CDH18: variants seen among roughly 807,000 people sequenced by gnomAD.
CDH18 encodes cadherin-18.
CDH18 carries 31 observed loss-of-function variants against 67.9 expected under a neutral mutation model. The ratio of observed to expected loss-of-function variants is 0.46; its 90% CI spans 0.34 to 0.62. CDH18 has a LOEUF of 0.62. Among genes scored for constraint, CDH18 ranks in the 20% least tolerant of loss-of-function variants. CDH18 has a pLI of 0.01. For missense variants in CDH18, 890 were observed against 975.5 expected (o/e 0.91, Z 1.17); for synonymous variants, 362 against 347.2 (o/e 1.04, Z -0.48).
rs1212100967 is a variant in CDH18, at chr5:19,472,926, A to G, written c.*300T>C. Reference sequence around the variant, plus strand: ...TAAATCACAATATATTGAAACAAATATCATTGTTTGGCTTAATTCAGGTAT... The same window carrying G: ...TAAATCACAATATATTGAAACAAATGTCATTGTTTGGCTTAATTCAGGTAT... On this transcript the variant is annotated 3_prime_UTR_variant, in exon 13 of 13. Transcript: ENST00000382275. 8.4e-5 allele frequency: 21 copies of G among 249,356 alleles called. No homozygotes were observed. Among genetic ancestry groups the G allele is most frequent in the Admixed American group, 7.9e-4 (16 of 20,380 alleles). The allele number at this position is 249,356 out of a possible 1,614,324, so 15.4% of individuals were successfully genotyped here. A position where few individuals can be genotyped will look rare whatever the true frequency, so the allele number is the denominator to read the frequency against.
intron 1 of CDH18, among the ~76,000 whole-genome samples, chr5:20,568,292 T>C (rs947264630): frequency 6.6e-6 from 1 of 152,226 alleles, no homozygotes; most frequent in Non-Finnish European, 1.5e-5. Context: ...AAAGGAATTT[T>C]ATAATTGGGT....
At chr5:19,915,253 CT>C (rs1209269011) in intron 2 of CDH18, among the ~76,000 whole-genome samples, 1 of 152,096 alleles carries the variant, frequency 6.6e-6, no homozygotes, top group African/African-American at 2.4e-5. Context: ...AGTTGTCTTT[CT>C]TTTCTTCAAG....
intron 2 of CDH18, among the ~76,000 whole-genome samples, chr5:20,098,877 C>T (rs1464064546): frequency 1.3e-5 from 2 of 152,048 alleles, no homozygotes; most frequent in Non-Finnish European, 2.9e-5. Context: ...AAATTATTAG[C>T]CACGAATTAA....
chr5:19,809,310 G>C (rs1408277113), intron 3 of CDH18, among the ~76,000 whole-genome samples: 1 of 152,006 alleles, frequency 6.6e-6, no homozygotes, highest in Admixed American at 6.6e-5. Flanking sequence ...ACACGCTCTA[G>C]GCACCAATAA....
At chr5:19,658,495 G>T (rs1354465486) in intron 5 of CDH18, among the ~76,000 whole-genome samples, 1 of 152,000 alleles carries the variant, frequency 6.6e-6, no homozygotes, top group Non-Finnish European at 1.5e-5. Context: ...TTTACATAAA[G>T]TATTCAAAGT....
At chr5:20,537,917 T>C (rs979834639) in intron 1 of CDH18, among the ~76,000 whole-genome samples, 1 of 152,200 alleles carries the variant, frequency 6.6e-6, no homozygotes, top group Non-Finnish European at 1.5e-5. Flanking sequence ...GTGAGGATTA[T>C]GAAGTCATAT....
At chr5:19,611,946 A>ATGGGTG (rs1393076453) in intron 6 of CDH18, among the ~76,000 whole-genome samples, 1 of 54,434 alleles carries the variant, frequency 1.8e-5, no homozygotes, top group African/African-American at 5.9e-5. Context: ...CTTTTGGATG[A>ATGGGTG]TGCGTGTGTG....
At chr5:20,151,689 G>A (rs925292200) in intron 2 of CDH18, among the ~76,000 whole-genome samples, 2 of 152,114 alleles carry the variant, frequency 1.3e-5, no homozygotes, top group African/African-American at 2.4e-5. Flanking sequence ...TGACTGGTGT[G>A]AGACGGTACG....
chr5:20,521,971 T>G (rs1270954694), intron 1 of CDH18, among the ~76,000 whole-genome samples: 3 of 152,208 alleles, frequency 2.0e-5, no homozygotes, highest in Admixed American at 1.3e-4. Flanking sequence ...ATGGGGTACC[T>G]CAATATGTAA....
In CDH18 at chr5:19,473,175, A is replaced by C; in HGVS notation, c.*51T>G. On this transcript the variant is annotated 3_prime_UTR_variant, in exon 13 of 13. Coordinates refer to ENST00000382275, the MANE Select transcript of CDH18 (RefSeq NM_004934.5). ...TCTTCCTTGTCATTGCTGAGGTTGTATATCCACTTACTCAGGAAGCAAATT... is the reference window on the plus strand; with the variant it reads ...TCTTCCTTGTCATTGCTGAGGTTGTCTATCCACTTACTCAGGAAGCAAATT... 6.3e-7 allele frequency: 1 copy of C among 1,581,764 alleles called. No homozygotes were observed. The highest frequency in any genetic ancestry group is 8.6e-7 in the Non-Finnish European group (1 of 1,162,880).
At chr5:19,593,732 C>CTTCTTT (rs879852430) in intron 6 of CDH18, among the ~76,000 whole-genome samples, 1 of 129,138 alleles carries the variant, frequency 7.7e-6, no homozygotes, top group Admixed American at 8.0e-5. Context: ...TCTTCTTCTT[C>CTTCTTT]TTCTTCTTCT....
At chr5:19,593,709 T>TCCTCCTCCTCCTCC (rs70950076) in intron 6 of CDH18, among the ~76,000 whole-genome samples, 5 of 111,166 alleles carry the variant, frequency 4.5e-5, no homozygotes, top group Non-Finnish European at 5.1e-5. Flanking sequence ...CTCCTCCTCC[T>TCCTCCTCCTCCTCC]TCTTCTTCTT....
intron 3 of CDH18, among the ~76,000 whole-genome samples, chr5:19,786,027 C>G (rs1258782679): frequency 6.6e-6 from 1 of 151,662 alleles, no homozygotes; most frequent in Admixed American, 6.6e-5. Flanking sequence ...ATTACAGTAA[C>G]GAGACATATT....
chr5:19,723,578 T>C (rs755036941), intron 4 of CDH18, among the ~76,000 whole-genome samples: 36 of 152,200 alleles, frequency 2.4e-4, no homozygotes, highest in Non-Finnish European at 4.0e-4. Flanking sequence ...ACAGTAACTT[T>C]GCTGTTTAGA....
chr5:19,885,095 T>C (rs1048462255), intron 2 of CDH18, among the ~76,000 whole-genome samples: 2 of 152,186 alleles, frequency 1.3e-5, no homozygotes, highest in Admixed American at 6.6e-5. Flanking sequence ...TTCCATATTA[T>C]GGGCGAAAAA....
At chr5:20,226,760 T>C (rs1303281887) in intron 2 of CDH18, among the ~76,000 whole-genome samples, 2 of 152,052 alleles carry the variant, frequency 1.3e-5, no homozygotes, top group Admixed American at 1.3e-4. Flanking sequence ...AAAATGTATC[T>C]TACATAAAAA....
At chr5:20,493,819 A>G (rs998862014) in intron 1 of CDH18, among the ~76,000 whole-genome samples, 2 of 151,528 alleles carry the variant, frequency 1.3e-5, no homozygotes, top group African/African-American at 2.4e-5. Flanking sequence ...AAGTGTGTGG[A>G]CTCCTTGCTC....
intron 1 of CDH18, among the ~76,000 whole-genome samples, chr5:20,454,096 C>A (rs752082736): frequency 4.6e-5 from 7 of 152,052 alleles, no homozygotes; most frequent in Non-Finnish European, 1.0e-4. Flanking sequence ...AGTTGGCCAT[C>A]TTCTAAAACT....
intron 5 of CDH18, among the ~76,000 whole-genome samples, chr5:19,670,226 GT>G (rs1025356496): frequency 6.6e-6 from 1 of 151,836 alleles, no homozygotes; most frequent in Non-Finnish European, 1.5e-5. Context: ...TTGCTAAACA[GT>G]TTTTTTTCAG....
Sources: allele counts gnomAD v4.1 joint callset (sites outside exome capture counted in the v4.1 genomes callset), GRCh38; gene constraint gnomAD v4.1.1; transcripts MANE v1.5; gene names NCBI Gene and HGNC (gene_info 2026-07-23, HGNC 2026-07-21).